The following PTPRD variants were observed in gnomAD, a reference collection of about 807,000 sequenced individuals.
The protein encoded by PTPRD is protein tyrosine phosphatase receptor type D.
PTPRD carries 34 observed loss-of-function variants against 214.5 expected under a neutral mutation model. That is an observed-to-expected ratio of 0.16 (90% CI 0.12 to 0.21). The LOEUF is 0.21. Ranked by LOEUF, PTPRD falls within the 10% of genes least tolerant of loss-of-function variation. PTPRD has a pLI of 1.00. For synonymous variants in PTPRD, 1,128 were observed against 845.7 expected (o/e 1.33, Z -5.79); for missense variants, 2,545 against 2,398.7 (o/e 1.06, Z -1.27).
At chr9:8,525,503 G>A (rs1289579051) in intron 17 of PTPRD, among the ~76,000 whole-genome samples, 5 of 151,892 alleles carry the variant, frequency 3.3e-5, no homozygotes, top group Non-Finnish European at 5.9e-5. Flanking sequence ...AATACGCAGC[G>A]AGCACAAAAA....
At chr9:9,994,373 T>G (rs896872679) in intron 4 of PTPRD, among the ~76,000 whole-genome samples, 2 of 152,196 alleles carry the variant, frequency 1.3e-5, no homozygotes, top group African/African-American at 2.4e-5. Context: ...CTTTATTACT[T>G]AAACTTCACT....
intron 3 of PTPRD, among the ~76,000 whole-genome samples, chr9:10,044,455 T>A (rs538286966): frequency 6.6e-6 from 1 of 151,862 alleles, no homozygotes; most frequent in South Asian, 2.1e-4. Context: ...TAGTTATATT[T>A]CTTCATAAAA....
chr9:9,664,503 A>C (rs2154382175), intron 7 of PTPRD, among the ~76,000 whole-genome samples: 1 of 151,766 alleles, frequency 6.6e-6, no homozygotes, highest in Non-Finnish European at 1.5e-5. Flanking sequence ...TTTCCATTTT[A>C]ATCCTAATAC....
In PTPRD at chr9:8,339,123, A is replaced by AATCT. The variant is rs1412194909; in HGVS notation, c.5254-80_5254-77dup. ...CTGTATATTATCTATCTATCTATCT[A>AATCT]ATCTATCTAATTTCCTTATCCCATT... is the stretch of plus-strand genomic sequence containing the variant. On this transcript the variant is annotated intron_variant, in intron 42 of 45. Coordinates refer to ENST00000381196, the MANE Select transcript of PTPRD (RefSeq NM_002839.4). 4.4e-6 allele frequency: 6 copies of AATCT among 1,360,648 alleles called. No individual in the cohort carries two copies. In the South Asian group the frequency reaches 5.2e-5, roughly 12 times the overall value. 84.3% of individuals were successfully genotyped at this position (1,360,648 alleles called of 1,614,324 possible).
intron 5 of PTPRD, among the ~76,000 whole-genome samples, chr9:9,872,133 T>C (rs1313012957): frequency 6.6e-6 from 1 of 152,114 alleles, no homozygotes; most frequent in Admixed American, 6.6e-5. Context: ...CACTTATCCA[T>C]CAAAGTTGGC....
intron 11 of PTPRD, among the ~76,000 whole-genome samples, chr9:8,768,174 T>G (rs55738005): frequency 0.053 from 8,109 of 152,238 alleles, 731 homozygotes; most frequent in African/African-American, 0.18. Flanking sequence ...GCAGGAGGCT[T>G]GCTTGAGCCC....
At chr9:9,174,303 A>G (rs988169303) in intron 10 of PTPRD, among the ~76,000 whole-genome samples, 2 of 152,180 alleles carry the variant, frequency 1.3e-5, no homozygotes, top group African/African-American at 2.4e-5. Context: ...TAAATATTCA[A>G]TAAATAGATG....
chr9:10,388,492 A>G (rs2097973513), intron 2 of PTPRD, among the ~76,000 whole-genome samples: 1 of 151,852 alleles, frequency 6.6e-6, no homozygotes, highest in African/African-American at 2.4e-5. Context: ...AAAAAAAAAA[A>G]AAAAGCTAAT....
chr9:9,034,245 G>T (rs1006090997), intron 10 of PTPRD, among the ~76,000 whole-genome samples: 3 of 152,094 alleles, frequency 2.0e-5, no homozygotes, highest in African/African-American at 7.2e-5. Flanking sequence ...CTAGAGCTCT[G>T]TTAGGAATCC....
chr9:10,269,601 A>G (rs139000068), intron 3 of PTPRD, among the ~76,000 whole-genome samples: 1,715 of 152,266 alleles, frequency 0.011, 37 homozygotes, highest in African/African-American at 0.039. Flanking sequence ...AAGGCAAGCA[A>G]TGTGTTTTTA....
chr9:10,128,479 T>G (rs983084461), intron 3 of PTPRD, among the ~76,000 whole-genome samples: 2 of 152,104 alleles, frequency 1.3e-5, no homozygotes, highest in African/African-American at 4.8e-5. Context: ...CCAGAAGCTA[T>G]GACTGAGGCA....
chr9:9,684,134 A>T (rs2097126438), intron 7 of PTPRD, among the ~76,000 whole-genome samples: 1 of 151,692 alleles, frequency 6.6e-6, no homozygotes, highest in African/African-American at 2.4e-5. Flanking sequence ...AGGCAGCCTG[A>T]ACACATAAGA....
intron 11 of PTPRD, among the ~76,000 whole-genome samples, chr9:8,864,308 G>C (rs1205750821): frequency 6.6e-6 from 1 of 152,146 alleles, no homozygotes; most frequent in East Asian, 1.9e-4. Flanking sequence ...ATTTGCACAA[G>C]CCTGACTCTT....
chr9:9,151,424 T>C (rs2154488372), intron 10 of PTPRD, among the ~76,000 whole-genome samples: 1 of 152,304 alleles, frequency 6.6e-6, no homozygotes, highest in South Asian at 2.1e-4. Context: ...AGTGGACTCC[T>C]GATGTCCCCC....
At chr9:8,870,064 C>G (rs2098268947) in intron 11 of PTPRD, among the ~76,000 whole-genome samples, 1 of 150,724 alleles carries the variant, frequency 6.6e-6, no homozygotes, top group South Asian at 2.1e-4. Flanking sequence ...TTCTAGCTGT[C>G]ATACTCAGGG....
chr9:9,323,704 T>A (rs1340863257), intron 9 of PTPRD, among the ~76,000 whole-genome samples: 2 of 152,178 alleles, frequency 1.3e-5, no homozygotes, highest in African/African-American at 4.8e-5. Context: ...TGTTTATTTT[T>A]ATTATACTTT....
intron 8 of PTPRD, among the ~76,000 whole-genome samples, chr9:9,407,825 G>A (rs1046582786): frequency 5.3e-5 from 8 of 151,686 alleles, no homozygotes; most frequent in Admixed American, 2.0e-4. Flanking sequence ...AGTTGCAATT[G>A]TATTACTATA....
chr9:8,463,078 T>C (rs1041222157), intron 32 of PTPRD, among the ~76,000 whole-genome samples: 13 of 151,892 alleles, frequency 8.6e-5, no homozygotes, highest in Non-Finnish European at 1.8e-4. Flanking sequence ...TTAAATGTTT[T>C]AACCTGCATC....
intron 12 of PTPRD, among the ~76,000 whole-genome samples, chr9:8,657,166 T>TC (rs2096927515): frequency 8.6e-6 from 1 of 115,818 alleles, no homozygotes; most frequent in Non-Finnish European, 1.8e-5. Flanking sequence ...TTTGCCCACT[T>TC]TTTTTTTTTT....
Sources: gnomAD v4.1 joint callset for allele counts (sites outside exome capture counted in the v4.1 genomes callset) on GRCh38, gnomAD v4.1.1 for gene constraint, MANE v1.5 for transcripts, NCBI Gene and HGNC (gene_info 2026-07-23, HGNC 2026-07-21) for gene names.